Variants in C8orf88 observed in about 807,000 individuals in gnomAD.
C8orf88 encodes the protein uncharacterized protein C8orf88.
Under a neutral mutation model 18.4 loss-of-function variants are expected in C8orf88, and 14 were observed. That is an observed-to-expected ratio of 0.76 (90% CI 0.50 to 1.19). The LOEUF is 1.19. Among genes scored for constraint, C8orf88 ranks in the 50% most tolerant of loss-of-function variants. The pLI, the probability that C8orf88 is intolerant of heterozygous loss-of-function variation, is 0.00. For missense variants in C8orf88, 116 were observed against 134.7 expected, an observed-to-expected ratio of 0.86 and a Z score of 0.69; for synonymous variants, 45 against 42.9, an observed-to-expected ratio of 1.05 and a Z score of -0.19.
rs1021818768 is a variant in C8orf88 at position 90,960,660 on chromosome 8, C to G, written c.330+82G>C. The G allele has an allele frequency of 1.4e-4, 99 of 700,752 alleles. No homozygotes were observed. The African/African-American group carries it at 1.5e-3, about 11-fold the overall frequency. 43.4% of individuals were successfully genotyped at this position (700,752 alleles called of 1,614,324 possible). On this transcript the variant is annotated intron_variant, in intron 5 of 5. Coordinates refer to ENST00000517562, the MANE Select transcript of C8orf88 (RefSeq NM_001190972.2). ...TCTTATAATAAGGAAGGTTAAAAAT[C>G]TAGAGGTAGAGTCTGATGAAAATGT...
chr8:90,961,476 G>A (rs1026418487), intron 4 of C8orf88, among the ~76,000 whole-genome samples: 2 of 148,352 alleles, frequency 1.3e-5, no homozygotes, highest in East Asian at 2.1e-4. Flanking sequence ...AGAAAAGAAC[G>A]GTAACCCAGA....
At chr8:90,967,977 T>A (rs1053448124) in intron 4 of C8orf88, among the ~76,000 whole-genome samples, 1 of 151,788 alleles carries the variant, frequency 6.6e-6, no homozygotes, top group African/African-American at 2.4e-5. Flanking sequence ...TTTAATATTG[T>A]TAAGTTGGCA....
At chr8:90,972,553 A>G (rs932724459) in intron 3 of C8orf88, among the ~76,000 whole-genome samples, 3 of 152,098 alleles carry the variant, frequency 2.0e-5, no homozygotes, top group Admixed American at 6.6e-5. Context: ...TGTACATATT[A>G]AAAACTTAAA....
At chr8:90,982,793 G>T (rs566331544) in intron 1 of C8orf88, among the ~76,000 whole-genome samples, 35 of 151,906 alleles carry the variant, frequency 2.3e-4, no homozygotes, top group Non-Finnish European at 5.0e-4. Flanking sequence ...ATGCCTGCAG[G>T]GAAACACTGA....
chr8:90,974,962 A>G (rs989174499), intron 3 of C8orf88, among the ~76,000 whole-genome samples: 1 of 152,216 alleles, frequency 6.6e-6, no homozygotes, highest in African/African-American at 2.4e-5. Context: ...CTAGCAACCA[A>G]CCAGTAAAAT....
At chr8:90,967,168 A>G (rs558024887) in intron 4 of C8orf88, among the ~76,000 whole-genome samples, 3 of 151,946 alleles carry the variant, frequency 2.0e-5, no homozygotes, top group African/African-American at 7.2e-5. Context: ...TTTTTCTTCA[A>G]TTGAGTTGAT....
chr8:90,970,926 G>A (rs1811272161), intron 4 of C8orf88, 140 bp downstream of exon 4: 1 of 485,504 alleles, frequency 2.1e-6, no homozygotes, highest in Non-Finnish European at 3.5e-6. Flanking sequence ...GTGGTAGCCT[G>A]ACTCATATAG....
intron 5 of C8orf88, 44 bp from the exon 6 acceptor site, chr8:90,959,074 C>G (rs939613401): frequency 1.7e-5 from 16 of 921,794 alleles, no homozygotes; most frequent in Non-Finnish European, 2.4e-5. Context: ...TGATTGAATA[C>G]AGTTTTTACT....
chr8:90,977,446 A>T (rs1225010354), intron 3 of C8orf88, among the ~76,000 whole-genome samples: 1 of 152,216 alleles, frequency 6.6e-6, no homozygotes, highest in African/African-American at 2.4e-5. Flanking sequence ...TATAGATGGC[A>T]GTCACAATAG....
intron 2 of C8orf88, among the ~76,000 whole-genome samples, chr8:90,979,219 C>T (rs191972965): frequency 2.2e-4 from 33 of 152,264 alleles, no homozygotes; most frequent in African/African-American, 7.9e-4. Context: ...CTTGCATCCC[C>T]TCTCATTCTC....
intron 4 of C8orf88, among the ~76,000 whole-genome samples, chr8:90,964,056 C>G (rs571752309): frequency 3.3e-5 from 5 of 151,750 alleles, no homozygotes; most frequent in South Asian, 4.2e-4. Context: ...GAAAGCAATT[C>G]AAGATTTCCA....
At chr8:90,975,531 G>A (rs1046458469) in intron 3 of C8orf88, among the ~76,000 whole-genome samples, 3 of 151,952 alleles carry the variant, frequency 2.0e-5, no homozygotes, top group African/African-American at 7.2e-5. Flanking sequence ...TGTCAAAGAA[G>A]TTCATGGTAA....
rs115839919 is a variant in C8orf88 at position 90,975,329 on chromosome 8, C to T, written c.147+3250G>A. 6.9e-3 allele frequency among the ~76,000 whole-genome samples: 1,044 copies of T among 152,144 alleles called. 12 individuals are homozygous for T. Among genetic ancestry groups the T allele is most frequent in the African/African-American group, 0.024 (991 of 41,524 alleles). ...AGTGCAATATTGACATAAAGATAGACATAAATCAACAGATCATAATAGTTT... is the reference window on the plus strand; with the variant it reads ...AGTGCAATATTGACATAAAGATAGATATAAATCAACAGATCATAATAGTTT... On this transcript the variant is annotated intron_variant, in intron 3 of 5. Transcript: ENST00000517562.
At chr8:90,967,557 T>C (rs1016034904) in intron 4 of C8orf88, among the ~76,000 whole-genome samples, 1 of 151,810 alleles carries the variant, frequency 6.6e-6, no homozygotes, top group Non-Finnish European at 1.5e-5. Context: ...AACTTTTCTT[T>C]GTTGGGAGGT....
intron 3 of C8orf88, among the ~76,000 whole-genome samples, chr8:90,976,350 T>C (rs559729755): frequency 6.6e-6 from 1 of 152,270 alleles, no homozygotes; most frequent in South Asian, 2.1e-4. Context: ...CTTTGCATTA[T>C]AATTGAAGCA....
At chr8:90,969,625 T>C (rs73299915) in intron 4 of C8orf88, among the ~76,000 whole-genome samples, 32,816 of 151,800 alleles carry the variant, frequency 0.22, 6,188 homozygotes, top group African/African-American at 0.51. Flanking sequence ...GTCTACTACA[T>C]GGCCTAAGCA....
At chr8:90,979,161 G>C (rs1811395990) in intron 2 of C8orf88, among the ~76,000 whole-genome samples, 1 of 152,132 alleles carries the variant, frequency 6.6e-6, no homozygotes, top group Non-Finnish European at 1.5e-5. Flanking sequence ...TCTGCGTCTG[G>C]ATCTTAAGAA....
chr8:90,962,676 T>A (rs993619323), intron 4 of C8orf88, among the ~76,000 whole-genome samples: 1 of 151,620 alleles, frequency 6.6e-6, no homozygotes, highest in African/African-American at 2.4e-5. Flanking sequence ...CAGACTTTAT[T>A]CTCAAAAAAT....
chr8:90,959,089 A>T, intron 5 of C8orf88, 59 bp from the exon 6 acceptor site: 1 of 803,300 alleles, frequency 1.2e-6, no homozygotes, highest in Non-Finnish European at 1.9e-6. Context: ...TTTACTAATT[A>T]GTTTATCAAA....
Sources: allele counts gnomAD v4.1 joint callset (sites outside exome capture counted in the v4.1 genomes callset), GRCh38; gene constraint gnomAD v4.1.1; transcripts MANE v1.5; gene names NCBI Gene and HGNC (gene_info 2026-07-23, HGNC 2026-07-21).